ABLIM1: variants seen among roughly 807,000 people sequenced by gnomAD.
ABLIM1 encodes actin-binding LIM protein 1.
A neutral mutation model predicts 107.0 loss-of-function variants in ABLIM1; 40 were observed. The observed-to-expected ratio is 0.37, with a 90% CI of 0.29 to 0.49. ABLIM1 has a LOEUF of 0.49. ABLIM1 is among the 20% of genes least tolerant of loss of function. The pLI is 0.97. For synonymous variants in ABLIM1, 357 were observed against 357.3 expected (o/e 1.00, Z 0.01); for missense variants, 857 against 1,008.5 (o/e 0.85, Z 2.04).
intron 4 of ABLIM1, among the ~76,000 whole-genome samples, chr10:114,560,314 A>G (rs533123856): frequency 2.0e-5 from 3 of 152,346 alleles, no homozygotes; most frequent in African/African-American, 7.2e-5. Context: ...TTATTCAGCC[A>G]TAAAGAAATG....
chr10:114,478,235 T>C (rs2056790439), intron 8 of ABLIM1, among the ~76,000 whole-genome samples: 1 of 152,226 alleles, frequency 6.6e-6, no homozygotes, highest in Non-Finnish European at 1.5e-5. Flanking sequence ...CCAAGTTCTC[T>C]GATTCAGAAA....
At chr10:114,454,789 T>A (rs183750488) in intron 12 of ABLIM1, among the ~76,000 whole-genome samples, 1 of 152,322 alleles carries the variant, frequency 6.6e-6, no homozygotes, top group East Asian at 1.9e-4. Context: ...TAAAGCTCAA[T>A]AAATTAGTAG....
chr10:114,759,300 T>A lies in ABLIM1; in HGVS notation c.-213+8761A>T, dbSNP rs549947545. Among the ~76,000 whole-genome samples, 4 of 152,244 alleles carry A rather than the reference T, an allele frequency of 2.6e-5. No homozygotes were observed. In the East Asian group the frequency reaches 5.8e-4, roughly 22 times the overall value. The stretch of plus-strand genomic sequence containing the variant: ...TCTAGCACATTGGCATAAAATCAAG[T>A]AGGTTGTGAGTCCAAAGATAACCAC... On this transcript the variant is annotated intron_variant, in intron 1 of 15. Coordinates refer to the ABLIM1 transcript ENST00000651092.
chr10:114,752,106 T>C (rs537518306), intron 1 of ABLIM1, among the ~76,000 whole-genome samples: 2 of 152,140 alleles, frequency 1.3e-5, no homozygotes, highest in African/African-American at 2.4e-5. Flanking sequence ...AGGAATTGAG[T>C]CAAAGTAAAA....
rs775062919 is a variant in ABLIM1, at chr10:114,439,243, G to T, written c.2075C>A (p.Pro692Gln). 1.2e-6 allele frequency: 2 copies of T among 1,614,082 alleles called. No individual in the cohort carries two copies. The highest frequency in any genetic ancestry group is 3.3e-5 in the Admixed American group (2 of 60,004). Residue 692 changes from proline to glutamine, a missense_variant, in exon 21 of 23, where the codon CCA (proline) becomes CAA (glutamine). Transcript: ENST00000533213. ...TCTCATTGCAGGCATGTGGCCATCT[G>T]GGAGTGTCTGCAACAGAAATGCCAG... ...SGGVRDYQTL[P>Q]DGHMPAMRMD...
chr10:114,482,607 T>C (rs2057539586), intron 8 of ABLIM1, among the ~76,000 whole-genome samples: 1 of 152,194 alleles, frequency 6.6e-6, no homozygotes. Context: ...AAGGGAGACC[T>C]TGCCACACAG....
chr10:114,678,882 C>T (rs538769707), intron 1 of ABLIM1, among the ~76,000 whole-genome samples: 1 of 152,262 alleles, frequency 6.6e-6, no homozygotes, highest in East Asian at 1.9e-4. Context: ...TTCACTGAGT[C>T]TCAGTGCATG....
At chr10:114,539,546 T>C (rs986982900) in intron 6 of ABLIM1, among the ~76,000 whole-genome samples, 1 of 152,172 alleles carries the variant, frequency 6.6e-6, no homozygotes, top group African/African-American at 2.4e-5. Flanking sequence ...AAATTTAGGG[T>C]TGGAGATATG....
At position 114,645,672 on chromosome 10, in the gene ABLIM1, A is replaced by C. The variant is rs887128331; in HGVS notation, c.244+12285T>G. ...AAGAAAATCAATCATTAATTGGATC[A>C]CCTTATTATACAAACACAAAGGAAC... On this transcript the variant is annotated intron_variant, in intron 1 of 22. Transcript: ENST00000533213. Among the ~76,000 whole-genome samples the C allele has an allele frequency of 2.6e-5, 4 of 152,212 alleles. No individual in the cohort carries two copies. The East Asian group carries it at 7.7e-4, about 29-fold the overall frequency.
chr10:114,712,230 G>A (rs1023181255), intron 1 of ABLIM1, among the ~76,000 whole-genome samples: 2 of 151,686 alleles, frequency 1.3e-5, no homozygotes, highest in Non-Finnish European at 2.9e-5. Flanking sequence ...GTGGGCACCT[G>A]TAATCCTAGC....
At chr10:114,795,515 T>C in the ABLIM1 span, among the ~76,000 whole-genome samples, 2 of 152,132 alleles carry the variant, frequency 1.3e-5, no homozygotes, top group Non-Finnish European at 2.9e-5. Flanking sequence ...GAGACCAGCC[T>C]GGCCAAAATG....
At chr10:114,674,437 G>T (rs1346149700) in intron 1 of ABLIM1, among the ~76,000 whole-genome samples, 1 of 152,048 alleles carries the variant, frequency 6.6e-6, no homozygotes, top group Non-Finnish European at 1.5e-5. Flanking sequence ...CAGCCACTTG[G>T]TGTTCAGGAA....
At chr10:114,792,676 G>T in the ABLIM1 span, among the ~76,000 whole-genome samples, 1 of 152,036 alleles carries the variant, frequency 6.6e-6, no homozygotes, top group African/African-American at 2.4e-5. Flanking sequence ...GAGGCTCCTT[G>T]GGTAAACCAA....
rs370521754 is a variant in ABLIM1, at chr10:114,531,466, A to G, written c.894+13539T>C. Among the ~76,000 whole-genome samples the G allele has an allele frequency of 4.6e-5, 7 of 152,294 alleles. No homozygotes were observed. The East Asian group carries it at 9.6e-4, about 21-fold the overall frequency. On this transcript the variant is annotated intron_variant, in intron 6 of 22. Transcript: ENST00000533213. ...ACCTATCCCAGCTTCAGGTGCCGGG[A>G]CTCAACATGTAAGCAACTTGCTGAG... is the stretch of plus-strand genomic sequence containing the variant.
intron 6 of ABLIM1, among the ~76,000 whole-genome samples, chr10:114,497,270 C>T (rs1331856030): frequency 6.6e-6 from 1 of 152,260 alleles, no homozygotes; most frequent in African/African-American, 2.4e-5. Flanking sequence ...AGGCACATAA[C>T]TGGCAGCCGT....
intron 1 of ABLIM1, among the ~76,000 whole-genome samples, chr10:114,606,287 G>A (rs1355282916): frequency 1.3e-5 from 2 of 152,030 alleles, no homozygotes; most frequent in Non-Finnish European, 2.9e-5. Context: ...CCAGGCTGGA[G>A]TGCAGTGGTG....
chr10:114,733,495 T>C (rs755918274), intron 1 of ABLIM1, among the ~76,000 whole-genome samples: 1 of 152,170 alleles, frequency 6.6e-6, no homozygotes, highest in South Asian at 2.1e-4. Context: ...TGCTAAACAA[T>C]GTAAAAGTCA....
At chr10:114,684,829 C>G (rs77873794) in exon 1 of ABLIM1, 1 of 631,668 alleles carries the variant, frequency 1.6e-6, no homozygotes, top group African/African-American at 2.0e-5. Flanking sequence ...TATTCCCCAG[C>G]CTTCTGCCTC....
chr10:114,571,841 C>T (rs1368820198), intron 3 of ABLIM1, among the ~76,000 whole-genome samples: 1 of 152,140 alleles, frequency 6.6e-6, no homozygotes, highest in Non-Finnish European at 1.5e-5. Flanking sequence ...TCTTTCAGTT[C>T]CCTGGGACCG....
Sources: gnomAD v4.1 joint callset for allele counts (sites outside exome capture counted in the v4.1 genomes callset) on GRCh38, gnomAD v4.1.1 for gene constraint, MANE v1.5 for transcripts, NCBI Gene and HGNC (gene_info 2026-07-23, HGNC 2026-07-21) for gene names.